The following CNTN5 variants were observed in gnomAD, a reference collection of about 807,000 sequenced individuals.
CNTN5 encodes contactin 5, also known as contactin-5.
Under a neutral mutation model 129.1 loss-of-function variants are expected in CNTN5, and 77 were observed. The observed-to-expected ratio is 0.60, with a 90% confidence interval of 0.50 to 0.72. The LOEUF (loss-of-function observed/expected upper bound fraction) is 0.72. Among genes scored for constraint, CNTN5 ranks in the 30% least tolerant of loss-of-function variants. The pLI is 0.00. For missense variants in CNTN5, 1,478 were observed against 1,328.8 expected, an observed-to-expected ratio of 1.11 and a Z score of -1.75; for synonymous variants, 509 against 465.6, an observed-to-expected ratio of 1.09 and a Z score of -1.20.
At chr11:99,342,725 T>C (rs1866577895) in intron 2 of CNTN5, among the ~76,000 whole-genome samples, 2 of 151,446 alleles carry the variant, frequency 1.3e-5, no homozygotes, top group South Asian at 4.2e-4. Context: ...AGGGAAAGCT[T>C]ATCTGAAAAA....
At chr11:99,389,424 A>G (rs1021268223) in intron 2 of CNTN5, among the ~76,000 whole-genome samples, 1 of 152,156 alleles carries the variant, frequency 6.6e-6, no homozygotes, top group Non-Finnish European at 1.5e-5. Context: ...TTGTACCTGT[A>G]TTGTGTATAA....
chr11:100,252,466 T>A (rs779733460), intron 16 of CNTN5, among the ~76,000 whole-genome samples: 39 of 152,146 alleles, frequency 2.6e-4, no homozygotes, highest in African/African-American at 8.4e-4. Flanking sequence ...GCTTTTGAGA[T>A]CTTATTCATA....
At chr11:99,617,876 C>T (rs1007987396) in intron 3 of CNTN5, among the ~76,000 whole-genome samples, 1 of 152,124 alleles carries the variant, frequency 6.6e-6, no homozygotes, top group Admixed American at 6.5e-5. Context: ...TTATTACCTA[C>T]TTTGTTCATT....
chr11:99,827,273 G>C (rs968089788), intron 4 of CNTN5, among the ~76,000 whole-genome samples: 26 of 152,214 alleles, frequency 1.7e-4, no homozygotes, highest in Non-Finnish European at 3.1e-4. Context: ...TTTTTTGGTA[G>C]AGATAGGGTT....
At chr11:99,735,179 G>T (rs73552041) in intron 3 of CNTN5, among the ~76,000 whole-genome samples, 10,703 of 151,876 alleles carry the variant, frequency 0.07, 609 homozygotes, top group African/African-American at 0.16. Flanking sequence ...TTTTAGAAGA[G>T]ATTACGTTCT....
At chr11:100,192,758 T>TA (rs1242368403) in intron 14 of CNTN5, among the ~76,000 whole-genome samples, 1 of 151,946 alleles carries the variant, frequency 6.6e-6, no homozygotes, top group African/African-American at 2.4e-5. Context: ...CTAAACCCAG[T>TA]AAAAAAGTGT....
At chr11:99,534,359 A>C (rs1191397338) in intron 2 of CNTN5, among the ~76,000 whole-genome samples, 1 of 151,708 alleles carries the variant, frequency 6.6e-6, no homozygotes, top group Admixed American at 6.7e-5. Context: ...TCGAATGAGC[A>C]TGATTTTAAT....
chr11:99,122,028 C>T (rs1858365381), intron 1 of CNTN5, among the ~76,000 whole-genome samples: 1 of 151,640 alleles, frequency 6.6e-6, no homozygotes, highest in Admixed American at 6.6e-5. Context: ...TATGTATGTA[C>T]AACATGCAGG....
At chr11:100,214,687 C>T (rs945555787) in intron 15 of CNTN5, among the ~76,000 whole-genome samples, 5 of 152,132 alleles carry the variant, frequency 3.3e-5, no homozygotes, top group Admixed American at 1.3e-4. Flanking sequence ...ATGACCCTTC[C>T]AACCTTTGCA....
intron 2 of CNTN5, among the ~76,000 whole-genome samples, chr11:99,541,181 T>C (rs1299177480): frequency 6.6e-6 from 1 of 152,154 alleles, no homozygotes; most frequent in Non-Finnish European, 1.5e-5. Flanking sequence ...AGCAGTACAC[T>C]AGCTGACTGA....
chr11:100,044,314 T>C (rs1032301960), intron 9 of CNTN5, among the ~76,000 whole-genome samples: 11 of 152,140 alleles, frequency 7.2e-5, no homozygotes, highest in African/African-American at 1.9e-4. Flanking sequence ...ATTTTTAATA[T>C]AGTAATTTAT....
chr11:100,089,070 G>A (rs1377874840), intron 13 of CNTN5, among the ~76,000 whole-genome samples: 3 of 152,084 alleles, frequency 2.0e-5, no homozygotes, highest in Non-Finnish European at 2.9e-5. Context: ...ATGAAAGGTT[G>A]GTTCAACATA....
At chr11:99,323,065 A>G (rs1347205280) in intron 1 of CNTN5, among the ~76,000 whole-genome samples, 1 of 152,206 alleles carries the variant, frequency 6.6e-6, no homozygotes, top group Non-Finnish European at 1.5e-5. Context: ...GGCAAAGGTC[A>G]TTCTTTTTCA....
At chr11:99,114,876 A>G (rs1386373958) in intron 1 of CNTN5, among the ~76,000 whole-genome samples, 2 of 152,170 alleles carry the variant, frequency 1.3e-5, no homozygotes, top group African/African-American at 4.8e-5. Flanking sequence ...TGAAACGTAT[A>G]TGTTAAGTCT....
chr11:99,671,485 AAC>A (rs1953041910), intron 3 of CNTN5, among the ~76,000 whole-genome samples: 1 of 152,038 alleles, frequency 6.6e-6, no homozygotes, highest in African/African-American at 2.4e-5. Context: ...ATGAGAGTGA[AAC>A]ACATGCAAAT....
At chr11:99,079,607 A>C (rs987738671) in intron 1 of CNTN5, among the ~76,000 whole-genome samples, 6 of 152,314 alleles carry the variant, frequency 3.9e-5, no homozygotes, top group Non-Finnish European at 8.8e-5. Flanking sequence ...ATAGAATACA[A>C]AATTTTATGA....
intron 21 of CNTN5, among the ~76,000 whole-genome samples, chr11:100,322,285 C>G (rs1046146971): frequency 6.6e-6 from 1 of 151,582 alleles, no homozygotes. Flanking sequence ...TGCAGTGGCG[C>G]GATCTCAGCT....
rs556979511 is a variant in CNTN5 at position 100,295,016 on chromosome 11, G to A, written c.2315-2609G>A. 1.8e-4 allele frequency among the ~76,000 whole-genome samples: 28 copies of A among 151,726 alleles called. No homozygotes were observed. The South Asian group carries it at 5.8e-3, about 31-fold the overall frequency. ...ACAACAAAACACTGCGTGAGCTGCA[G>A]CTATTACAGCCTAAAGTTTTCCATT... On this transcript the variant is annotated intron_variant, in intron 18 of 24. Coordinates refer to ENST00000524871, the MANE Select transcript of CNTN5 (RefSeq NM_014361.4).
chr11:100,352,488 G>T (rs1952439639), intron 24 of CNTN5, among the ~76,000 whole-genome samples: 2 of 151,622 alleles, frequency 1.3e-5, no homozygotes, highest in Admixed American at 1.3e-4. Flanking sequence ...TCAAAAAAAT[G>T]TATATATGTA....
Sources: allele counts gnomAD v4.1 joint callset (sites outside exome capture counted in the v4.1 genomes callset), GRCh38; gene constraint gnomAD v4.1.1; transcripts MANE v1.5; gene names NCBI Gene and HGNC (gene_info 2026-07-23, HGNC 2026-07-21).